SLC17A1: variants seen among roughly 807,000 people sequenced by gnomAD.
The protein encoded by SLC17A1 is solute carrier family 17 member 1, also known as sodium-dependent phosphate transport protein 1.
Under a neutral mutation model 53.5 loss-of-function variants are expected in SLC17A1, and 51 were observed. That is an observed-to-expected ratio of 0.95 (90% CI 0.76 to 1.20). The LOEUF (loss-of-function observed/expected upper bound fraction) is 1.20. Ranked by LOEUF, SLC17A1 falls within the 50% of genes most tolerant of loss-of-function variation. The probability of loss-of-function intolerance (pLI) is 0.00; values close to 1 mark genes in which losing one functional copy is unlikely to be tolerated. For missense variants in SLC17A1, 538 were observed against 568.2 expected (o/e 0.95, Z 0.54); for synonymous variants, 179 against 198.8 (o/e 0.90, Z 0.84).
At chr6:25,814,876 C>T (rs1378948102) in intron 6 of SLC17A1, among the ~76,000 whole-genome samples, 1 of 151,938 alleles carries the variant, frequency 6.6e-6, no homozygotes, top group Admixed American at 6.6e-5. Flanking sequence ...ATCCCAGCTA[C>T]TCAGGGGGTT....
chr6:25,732,654 A>G, the SLC17A1 span: 3 of 1,318,204 alleles, frequency 2.3e-6, no homozygotes, highest in East Asian at 6.4e-5. Flanking sequence ...CGGAACAAGA[A>G]GAAGACCCGC....
chr6:25,784,232 T>C (rs1266516765), intron 12 of SLC17A1, among the ~76,000 whole-genome samples: 2 of 152,222 alleles, frequency 1.3e-5, no homozygotes, highest in African/African-American at 2.4e-5. Flanking sequence ...TGAACATATG[T>C]ATTCTCTTCA....
the SLC17A1 span, among the ~76,000 whole-genome samples, chr6:25,738,193 T>C: frequency 1.3e-5 from 2 of 152,136 alleles, no homozygotes; most frequent in Non-Finnish European, 1.5e-5. Flanking sequence ...TTATATAATA[T>C]AGTAATCAAC....
At chr6:25,830,292 C>T (rs980463574) in intron 2 of SLC17A1, among the ~76,000 whole-genome samples, 4 of 152,130 alleles carry the variant, frequency 2.6e-5, no homozygotes, top group African/African-American at 7.2e-5. Context: ...AAATGATAAA[C>T]TGACAAGTGC....
chr6:25,819,395 A>T, intron 5 of SLC17A1, 116 bp downstream of exon 5: 1 of 866,898 alleles, frequency 1.2e-6, no homozygotes. Context: ...ATGCTGAAAC[A>T]GATGATTTCC....
chr6:25,727,000 G>C, the SLC17A1 span: 2 of 1,614,198 alleles, frequency 1.2e-6, no homozygotes, highest in Admixed American at 1.7e-5. Flanking sequence ...GGCAAAAAGC[G>C]CAAGAGGACC....
chr6:25,806,678 G>A (rs954689515), intron 10 of SLC17A1, among the ~76,000 whole-genome samples: 1 of 152,012 alleles, frequency 6.6e-6, no homozygotes, highest in African/African-American at 2.4e-5. Context: ...ATAAATTAAT[G>A]GGACCTAATT....
At chr6:25,765,549 A>AT in the SLC17A1 span, among the ~76,000 whole-genome samples, 52 of 152,370 alleles carry the variant, frequency 3.4e-4, no homozygotes, top group Non-Finnish European at 4.9e-4. Flanking sequence ...GTTCTCAATA[A>AT]TGACAATAAC....
chr6:25,779,307 G>T, downstream of SLC17A1: 1 of 1,389,622 alleles, frequency 7.2e-7, no homozygotes, highest in Non-Finnish European at 9.7e-7. Context: ...ACTATGTAAC[G>T]CTAAAGATTT....
At chr6:25,773,626 G>A in the SLC17A1 span, 268 of 1,613,778 alleles carry the variant, frequency 1.7e-4, 1 homozygote, top group East Asian at 1.8e-3. Context: ...CCATTATGGC[G>A]TACACACCAA....
At chr6:25,782,440 C>T (rs1347829245), downstream of SLC17A1, among the ~76,000 whole-genome samples, 1 of 152,042 alleles carries the variant, frequency 6.6e-6, no homozygotes, top group Non-Finnish European at 1.5e-5. Context: ...ACAGTAAGTG[C>T]CAGTAAATGC....
At chr6:25,745,372 A>G in the SLC17A1 span, among the ~76,000 whole-genome samples, 145,524 of 152,248 alleles carry the variant, frequency 0.96, 69,725 homozygotes, top group Non-Finnish European at 0.99. Flanking sequence ...ATGTATATGT[A>G]CGTATTCACT....
the SLC17A1 span, among the ~76,000 whole-genome samples, chr6:25,733,589 A>G: frequency 7.9e-5 from 12 of 152,334 alleles, no homozygotes; most frequent in South Asian, 1.9e-3. Flanking sequence ...TTAATACACT[A>G]TAATAAAGTT....
chr6:25,727,820 C>T, the SLC17A1 span, among the ~76,000 whole-genome samples: 2 of 151,866 alleles, frequency 1.3e-5, no homozygotes, highest in East Asian at 2.0e-4. Context: ...GAGACGGAGA[C>T]CATCTTGGCC....
intron 6 of SLC17A1, among the ~76,000 whole-genome samples, chr6:25,815,296 G>A (rs1014656070): frequency 4.0e-5 from 6 of 151,578 alleles, no homozygotes; most frequent in African/African-American, 1.5e-4. Context: ...AATATTTAAA[G>A]CAATAATTAC....
chr6:25,770,885 C>G, the SLC17A1 span: 2 of 1,490,788 alleles, frequency 1.3e-6, no homozygotes, highest in East Asian at 4.5e-5. Context: ...AGCCCCAAGA[C>G]GAGTCCTCTC....
the SLC17A1 span, among the ~76,000 whole-genome samples, chr6:25,743,746 C>G: frequency 6.6e-6 from 1 of 152,260 alleles, no homozygotes; most frequent in East Asian, 1.9e-4. Context: ...AGATACTGCT[C>G]CTGGCCTGGG....
chr6:25,801,122 A>G (rs1428996405), intron 10 of SLC17A1, 142 bp from the exon 11 acceptor site: 2 of 612,880 alleles, frequency 3.3e-6, no homozygotes, highest in Non-Finnish European at 5.8e-6. Flanking sequence ...TGTTAGAAAA[A>G]GTATATGAAT....
the SLC17A1 span, chr6:25,731,936 A>G: frequency 6.2e-7 from 1 of 1,600,918 alleles, no homozygotes; most frequent in Non-Finnish European, 8.5e-7. Flanking sequence ...GGGAAGCCTC[A>G]CAGGCAATGC....
Sources: gnomAD v4.1 joint callset for allele counts (sites outside exome capture counted in the v4.1 genomes callset) on GRCh38, gnomAD v4.1.1 for gene constraint, MANE v1.5 for transcripts, NCBI Gene and HGNC (gene_info 2026-07-23, HGNC 2026-07-21) for gene names.